Variants in COL19A1 observed in about 807,000 individuals in gnomAD.
COL19A1 encodes the protein collagen alpha-1(XIX) chain.
COL19A1 carries 159 observed loss-of-function variants against 190.2 expected under a neutral mutation model. That is an observed-to-expected ratio of 0.84 (90% CI 0.73 to 0.95). The LOEUF is 0.95. Ranked by LOEUF, COL19A1 falls within the 40% of genes least tolerant of loss-of-function variation. The pLI, the probability that COL19A1 is intolerant of heterozygous loss-of-function variation, is 0.00. For missense variants in COL19A1, 1,418 were observed against 1,431.9 expected (o/e 0.99, Z 0.16); for synonymous variants, 509 against 458.9 (o/e 1.11, Z -1.39).
At chr6:69,935,048 C>A (rs575717306) in intron 7 of COL19A1, among the ~76,000 whole-genome samples, 1 of 152,046 alleles carries the variant, frequency 6.6e-6, no homozygotes, top group South Asian at 2.1e-4. Flanking sequence ...TTTTAAAGAT[C>A]ACCTATAAAG....
chr6:69,995,681 T>A (rs969645084), intron 11 of COL19A1, among the ~76,000 whole-genome samples: 1 of 152,128 alleles, frequency 6.6e-6, no homozygotes, highest in Non-Finnish European at 1.5e-5. Flanking sequence ...ATTAACTAGA[T>A]CTTAGAAATG....
At chr6:69,892,991 G>C (rs1391454762) in intron 2 of COL19A1, among the ~76,000 whole-genome samples, 1 of 152,238 alleles carries the variant, frequency 6.6e-6, no homozygotes, top group Non-Finnish European at 1.5e-5. Context: ...ACCAGGAAGA[G>C]AGAAACAAAC....
Position 70,069,751 on chromosome 6 carries a change from G to A in COL19A1, c.1224+1275G>A, listed in dbSNP as rs192878215. Reference sequence around the variant, plus strand: ...GCTAAGTCAGGTCTTCACCCAGCCCGTTGTTGTACAGTTACCTTTTTGAAT... The same window carrying A: ...GCTAAGTCAGGTCTTCACCCAGCCCATTGTTGTACAGTTACCTTTTTGAAT... On this transcript the variant is annotated intron_variant, in intron 15 of 50. Transcript: ENST00000620364. Among the ~76,000 whole-genome samples the A allele has an allele frequency of 9.9e-5, 15 of 152,194 alleles. No individual in the cohort carries two copies. The East Asian group carries it at 2.3e-3, about 23-fold the overall frequency.
intron 12 of COL19A1, among the ~76,000 whole-genome samples, chr6:70,025,179 C>A (rs1011723923): frequency 6.6e-6 from 1 of 152,026 alleles, no homozygotes; most frequent in Non-Finnish European, 1.5e-5. Context: ...TACAGGTGCC[C>A]GCCACTAGGC....
At chr6:70,162,056 T>A in intron 35 of COL19A1, 103 bp downstream of exon 35, 2 of 1,042,614 alleles carry the variant, frequency 1.9e-6, no homozygotes, top group Non-Finnish European at 2.7e-6. Flanking sequence ...TGCCTCTATG[T>A]AGATTGTCCA....
chr6:69,921,256 CATATCATATATCATAT>C (rs1186484483), intron 4 of COL19A1, among the ~76,000 whole-genome samples: 2 of 125,854 alleles, frequency 1.6e-5, no homozygotes, highest in East Asian at 2.2e-4. Context: ...TGTCATATAT[CATATCATATATCATAT>C]ATATCATATA....
At chr6:69,936,248 C>A (rs1582456399) in intron 7 of COL19A1, among the ~76,000 whole-genome samples, 3 of 152,016 alleles carry the variant, frequency 2.0e-5, no homozygotes, top group East Asian at 3.9e-4. Context: ...GTAGTGGAGA[C>A]CTTTTTAATA....
chr6:69,976,694 G>C (rs1470915523), intron 11 of COL19A1, among the ~76,000 whole-genome samples: 4 of 152,132 alleles, frequency 2.6e-5, no homozygotes, highest in Non-Finnish European at 4.4e-5. Context: ...CAAAGTATGA[G>C]ATGTTTAAGG....
chr6:70,145,280 G>T (rs1448658068), intron 25 of COL19A1, among the ~76,000 whole-genome samples: 1 of 152,020 alleles, frequency 6.6e-6, no homozygotes, highest in African/African-American at 2.4e-5. Context: ...CAACCTACAT[G>T]CCCATCTACA....
chr6:69,900,874 T>G (rs6935725), intron 4 of COL19A1, among the ~76,000 whole-genome samples: 1,949 of 152,294 alleles, frequency 0.013, 45 homozygotes, highest in African/African-American at 0.038. Context: ...TACCAAAGTT[T>G]TCCCTTACTT....
At chr6:70,154,125 C>T (rs182361164) in intron 31 of COL19A1, among the ~76,000 whole-genome samples, 5,266 of 144,178 alleles carry the variant, frequency 0.037, 131 homozygotes, top group Non-Finnish European at 0.057. Context: ...CAACCCCCCA[C>T]AGGCCCCAGT....
At chr6:70,003,163 T>G (rs1238741160) in intron 11 of COL19A1, among the ~76,000 whole-genome samples, 1 of 152,218 alleles carries the variant, frequency 6.6e-6, no homozygotes, top group Non-Finnish European at 1.5e-5. Flanking sequence ...CAGAGGAGGT[T>G]GTTCAATTTC....
intron 1 of COL19A1, among the ~76,000 whole-genome samples, chr6:69,873,007 C>A (rs1767929217): frequency 6.6e-6 from 1 of 152,150 alleles, no homozygotes; most frequent in African/African-American, 2.4e-5. Context: ...GGACTTGAAT[C>A]CCAGGCTTTG....
rs1282735903 is a variant in COL19A1, at chr6:69,984,707, T to C, written c.1026+21837T>C. ...ACAAAAAGTTAATGAGAAATATATA[T>C]GCGAAGGACATGGAAGTCCCCCAAA... On this transcript the variant is annotated intron_variant, in intron 11 of 50. Transcript: ENST00000620364. 3.3e-5 allele frequency among the ~76,000 whole-genome samples: 5 copies of C among 152,190 alleles called. 1 individual carries two copies. Among genetic ancestry groups the C allele is most frequent in the African/African-American group, 1.2e-4 (5 of 41,456 alleles).
chr6:69,945,913 CTGAATTTG>C (rs997034834), intron 9 of COL19A1, among the ~76,000 whole-genome samples: 1 of 152,004 alleles, frequency 6.6e-6, no homozygotes. Flanking sequence ...ATTTATTAGA[CTGAATTTG>C]TGATAGTGCT....
At chr6:70,186,179 A>G (rs1766502093) in intron 46 of COL19A1, among the ~76,000 whole-genome samples, 1 of 152,204 alleles carries the variant, frequency 6.6e-6, no homozygotes, top group Admixed American at 6.5e-5. Context: ...TCACTTACCT[A>G]GTCCGCTGGA....
intron 14 of COL19A1, among the ~76,000 whole-genome samples, chr6:70,066,923 T>C (rs1207648913): frequency 6.6e-6 from 1 of 152,096 alleles, no homozygotes; most frequent in African/African-American, 2.4e-5. Flanking sequence ...TTTTTGAAAA[T>C]TACTGCCTTT....
chr6:70,061,577 A>G lies in COL19A1; in HGVS notation c.1171-6846A>G, dbSNP rs115671609. Among the ~76,000 whole-genome samples, 151 of 152,260 alleles carry G rather than the reference A, an allele frequency of 9.9e-4. 1 individual carries two copies. The highest frequency in any genetic ancestry group is 3.5e-3 in the African/African-American group (147 of 41,572). ...TTAAATACATTCCAAATCAAATATT[A>G]TATCCTTGCATTAGGTAGACTTTGC... On this transcript the variant is annotated intron_variant, in intron 14 of 50. Transcript: ENST00000620364.
chr6:70,145,646 A>G (rs1786577387), intron 25 of COL19A1, among the ~76,000 whole-genome samples: 1 of 152,058 alleles, frequency 6.6e-6, no homozygotes, highest in African/African-American at 2.4e-5. Context: ...CATGTAATAA[A>G]CCTGTACATA....
Sources: gnomAD v4.1 joint callset for allele counts (sites outside exome capture counted in the v4.1 genomes callset) on GRCh38, gnomAD v4.1.1 for gene constraint, MANE v1.5 for transcripts, NCBI Gene and HGNC (gene_info 2026-07-23, HGNC 2026-07-21) for gene names.